The following IKBIP variants were observed in gnomAD, a reference collection of about 807,000 sequenced individuals.
IKBIP encodes the protein inhibitor of nuclear factor kappa-B kinase-interacting protein.
A neutral mutation model predicts 31.0 loss-of-function variants in IKBIP; 28 were observed. That is an observed-to-expected ratio of 0.90 (90% CI 0.67 to 1.24). The LOEUF (loss-of-function observed/expected upper bound fraction) is 1.24, where lower values mean the gene tolerates loss of function less well. Ranked by LOEUF, IKBIP falls within the 50% of genes most tolerant of loss-of-function variation. The pLI is 0.00. For synonymous variants in IKBIP, 164 were observed against 160.3 expected (o/e 1.02, Z -0.17); for missense variants, 453 against 441.9 (o/e 1.03, Z -0.23).
At chr12:98,638,195 C>T (rs2097627521) in intron 1 of IKBIP, among the ~76,000 whole-genome samples, 1 of 152,194 alleles carries the variant, frequency 6.6e-6, no homozygotes, top group Non-Finnish European at 1.5e-5. Context: ...ACTGGACTGC[C>T]TTAGCTCTGC....
chr12:98,643,817 C>CTTTTTTTTTTTTTTTCCTTTTT (rs1555212507), intron 1 of IKBIP, among the ~76,000 whole-genome samples: 2 of 136,928 alleles, frequency 1.5e-5, no homozygotes, highest in African/African-American at 5.5e-5. Context: ...ATATGGTTTT[C>CTTTTTTTTTTTTTTTCCTTTTT]TTTTTTTTTT....
At chr12:98,634,515 C>A in intron 1 of IKBIP, 102 bp from the exon 2 acceptor site, 1 of 568,430 alleles carries the variant, frequency 1.8e-6, no homozygotes, top group Non-Finnish European at 3.1e-6. Flanking sequence ...AACATAAATT[C>A]TGGTATGGGT....
intron 2 of IKBIP, among the ~76,000 whole-genome samples, chr12:98,628,238 G>A (rs778288853): frequency 6.6e-6 from 1 of 152,366 alleles, no homozygotes; most frequent in Middle Eastern, 3.4e-3. Flanking sequence ...AGCTATGGAA[G>A]CACTCAGGTG....
At chr12:98,619,073 G>T (rs538522999) in intron 2 of IKBIP, among the ~76,000 whole-genome samples, 1 of 152,154 alleles carries the variant, frequency 6.6e-6, no homozygotes, top group Non-Finnish European at 1.5e-5. Context: ...GGTGGATAAG[G>T]TGGCCCAAAA....
At chr12:98,621,673 G>A (rs79941428), downstream of IKBIP, among the ~76,000 whole-genome samples, 3,931 of 152,244 alleles carry the variant, frequency 0.026, 157 homozygotes, top group African/African-American at 0.087. Flanking sequence ...ATGTTCCTAA[G>A]TCTCCATTTC....
chr12:98,630,790 TG>T (rs1315440852), intron 2 of IKBIP, among the ~76,000 whole-genome samples: 2 of 152,224 alleles, frequency 1.3e-5, no homozygotes, highest in African/African-American at 4.8e-5. Flanking sequence ...TTGGGATGGG[TG>T]TCCATGTCTA....
chr12:98,634,432 A>C lies in IKBIP; in HGVS notation c.180-19T>G, dbSNP rs780908063. On this transcript the variant is annotated intron_variant, in intron 1 of 2. Coordinates refer to ENST00000299157, the MANE Select transcript of IKBIP (RefSeq NM_153687.4). ...TACAAACCTGGAAAAGAAAAGAAAA[A>C]TCACTATTCTCCAATTCATATCCAT... is the stretch of plus-strand genomic sequence containing the variant. 1.7e-6 allele frequency: 2 copies of C among 1,206,818 alleles called. No individual in the cohort carries two copies. The highest frequency in any genetic ancestry group is 3.0e-5 in the African/African-American group (2 of 66,448). The allele number at this position is 1,206,818 out of a possible 1,614,324, so 74.8% of individuals were successfully genotyped here.
chr12:98,644,408 A>G, intron 1 of IKBIP, 115 bp downstream of exon 1: 1 of 1,006,032 alleles, frequency 9.9e-7, no homozygotes, highest in Non-Finnish European at 1.4e-6. Context: ...ACAGAGGCAC[A>G]GAAGGCCCAG....
At chr12:98,644,385 C>T (rs1216584718) in intron 1 of IKBIP, 138 bp downstream of exon 1, 3 of 789,064 alleles carry the variant, frequency 3.8e-6, no homozygotes, top group Non-Finnish European at 5.8e-6. Flanking sequence ...TGTTTCCTTC[C>T]TTTGGGGTCA....
intron 1 of IKBIP, among the ~76,000 whole-genome samples, chr12:98,638,751 TA>T (rs944824424): frequency 1.5e-4 from 23 of 149,062 alleles, no homozygotes; most frequent in East Asian, 3.9e-4. Context: ...ACTGGCTAAT[TA>T]AAAAAAAAAA....
chr12:98,640,074 A>ATACAACTTGCT (rs1407923718), intron 1 of IKBIP, among the ~76,000 whole-genome samples: 17 of 152,360 alleles, frequency 1.1e-4, no homozygotes, highest in African/African-American at 4.1e-4. Context: ...AACCAGAGTT[A>ATACAACTTGCT]TACAACTTGC....
chr12:98,642,058 A>C (rs944677325), intron 1 of IKBIP, among the ~76,000 whole-genome samples: 5 of 152,232 alleles, frequency 3.3e-5, no homozygotes, highest in African/African-American at 7.2e-5. Context: ...GTAATACAGG[A>C]ATCACTAACA....
At chr12:98,627,983 T>C (rs1366695823) in intron 2 of IKBIP, among the ~76,000 whole-genome samples, 2 of 152,252 alleles carry the variant, frequency 1.3e-5, no homozygotes, top group Non-Finnish European at 2.9e-5. Context: ...TAAATTATGC[T>C]AAGCCTCCGG....
At chr12:98,639,511 T>C (rs1056741764) in intron 1 of IKBIP, among the ~76,000 whole-genome samples, 1 of 152,244 alleles carries the variant, frequency 6.6e-6, no homozygotes, top group Admixed American at 6.5e-5. Context: ...ACTTTTAGCG[T>C]AGGCCTTACA....
chr12:98,635,989 A>T (rs1256028207), intron 1 of IKBIP, among the ~76,000 whole-genome samples: 1 of 152,252 alleles, frequency 6.6e-6, no homozygotes, highest in Non-Finnish European at 1.5e-5. Context: ...CTTCAAAACA[A>T]CAAATCAACA....
intron 1 of IKBIP, 101 bp from the exon 2 acceptor site, chr12:98,634,514 T>C (rs2097623958): frequency 1.6e-6 from 1 of 614,682 alleles, no homozygotes; most frequent in African/African-American, 1.9e-5. Flanking sequence ...CAACATAAAT[T>C]CTGGTATGGG....
At chr12:98,614,750 C>T (rs1403802763) in intron 2 of IKBIP, among the ~76,000 whole-genome samples, 2 of 152,172 alleles carry the variant, frequency 1.3e-5, no homozygotes, top group African/African-American at 4.8e-5. Context: ...TTTTTAACTA[C>T]ACTTTACTGT....
At chr12:98,640,462 CAAAACA>C (rs1204285936) in intron 1 of IKBIP, among the ~76,000 whole-genome samples, 2 of 151,424 alleles carry the variant, frequency 1.3e-5, no homozygotes, top group African/African-American at 4.8e-5. Context: ...CAAAACAAAA[CAAAACA>C]AAACAAAACA....
intron 2 of IKBIP, among the ~76,000 whole-genome samples, chr12:98,618,851 A>G (rs1033715144): frequency 1.3e-4 from 20 of 152,354 alleles, no homozygotes; most frequent in African/African-American, 4.8e-4. Context: ...ACAAATAAAA[A>G]TGAATTATGC....
Sources: allele counts gnomAD v4.1 joint callset (sites outside exome capture counted in the v4.1 genomes callset), GRCh38; gene constraint gnomAD v4.1.1; transcripts MANE v1.5; gene names NCBI Gene and HGNC (gene_info 2026-07-23, HGNC 2026-07-21).